Variants in KLF8 observed in about 807,000 individuals in gnomAD.
KLF8 encodes Krueppel-like factor 8.
Under a neutral mutation model 18.2 loss-of-function variants are expected in KLF8, and 10 were observed. That is an observed-to-expected ratio of 0.55 (90% CI 0.34 to 0.93). The LOEUF (loss-of-function observed/expected upper bound fraction) is 0.93. Among genes scored for constraint, KLF8 ranks in the 40% least tolerant of loss-of-function variants. KLF8 has a pLI of 0.02. For synonymous variants in KLF8, 109 were observed against 97.3 expected, an observed-to-expected ratio of 1.12 and a Z score of -0.71; for missense variants, 264 against 277.9, an observed-to-expected ratio of 0.95 and a Z score of 0.36.
chrX:56,151,587 A>G, the KLF8 span, among the ~76,000 whole-genome samples: 6 of 110,951 alleles, frequency 5.4e-5, no homozygotes, highest in South Asian at 2.3e-3. Context: ...TGGTGTCCAC[A>G]CAAATACTGG....
chrX:56,283,665 C>T (rs1433969811), intron 5 of KLF8, among the ~76,000 whole-genome samples: 1 of 112,246 alleles, frequency 8.9e-6, no homozygotes, highest in Non-Finnish European at 1.9e-5. Flanking sequence ...GCCACCGCAC[C>T]GGACCATATG....
At chrX:56,273,051 T>C (rs1206835593) in intron 5 of KLF8, among the ~76,000 whole-genome samples, 1 of 111,905 alleles carries the variant, frequency 8.9e-6, no homozygotes, top group African/African-American at 3.2e-5. Context: ...AAACCCTACT[T>C]AATTTCTTGA....
the KLF8 span, among the ~76,000 whole-genome samples, chrX:56,201,421 A>C: frequency 9.0e-6 from 1 of 111,654 alleles, no homozygotes; most frequent in South Asian, 3.7e-4. Flanking sequence ...AAACTCATAC[A>C]CACAAAAACA....
chrX:55,936,015 C>T, the KLF8 span, among the ~76,000 whole-genome samples: 3 of 112,051 alleles, frequency 2.7e-5, no homozygotes, highest in African/African-American at 9.7e-5. Context: ...TATAATTTGA[C>T]AAACTTGAGA....
chrX:56,066,714 G>T, the KLF8 span, among the ~76,000 whole-genome samples: 1 of 111,197 alleles, frequency 9.0e-6, no homozygotes, highest in East Asian at 2.8e-4. Context: ...AGGCTCCAAG[G>T]ATGTGAATAT....
chrX:56,137,496 A>T, the KLF8 span, among the ~76,000 whole-genome samples: 4 of 106,261 alleles, frequency 3.8e-5, no homozygotes, highest in African/African-American at 1.0e-4. Context: ...TCAGTAAACT[A>T]TCGCAAGAAC....
intron 5 of KLF8, among the ~76,000 whole-genome samples, chrX:56,282,462 G>A (rs1331434193): frequency 1.8e-5 from 2 of 112,157 alleles, no homozygotes; most frequent in Non-Finnish European, 3.8e-5. Context: ...TCTTTGAAAT[G>A]TTTGCCTTGA....
the KLF8 span, among the ~76,000 whole-genome samples, chrX:56,148,148 C>G: frequency 6.2e-5 from 7 of 112,110 alleles, no homozygotes; most frequent in African/African-American, 2.3e-4. Flanking sequence ...GATATGCATG[C>G]ACACCCTCAG....
chrX:56,095,924 T>G, the KLF8 span, among the ~76,000 whole-genome samples: 2 of 111,759 alleles, frequency 1.8e-5, no homozygotes, highest in African/African-American at 6.5e-5. Flanking sequence ...GAATTATTAT[T>G]CTATTCAGCA....
chrX:56,211,062 T>C, the KLF8 span, among the ~76,000 whole-genome samples: 1 of 111,578 alleles, frequency 9.0e-6, no homozygotes. Context: ...GGAGAAGTTA[T>C]GTTTTCCTAT....
chrX:55,944,467 CTT>C, the KLF8 span, among the ~76,000 whole-genome samples: 1 of 109,765 alleles, frequency 9.1e-6, no homozygotes, highest in African/African-American at 3.3e-5. Context: ...GTCCTGGACT[CTT>C]TTTGGTTGGT....
chrX:55,928,445 T>C, the KLF8 span, among the ~76,000 whole-genome samples: 1 of 110,685 alleles, frequency 9.0e-6, no homozygotes, highest in East Asian at 2.8e-4. Context: ...ACATGTGCCA[T>C]AGTGGTTTGC....
the KLF8 span, among the ~76,000 whole-genome samples, chrX:55,934,889 G>A: frequency 8.9e-6 from 1 of 111,866 alleles, no homozygotes; most frequent in Non-Finnish European, 1.9e-5. Context: ...GGAAAATAGG[G>A]TAGGAGACCA....
At chrX:56,194,383 C>T in the KLF8 span, among the ~76,000 whole-genome samples, 2 of 112,210 alleles carry the variant, frequency 1.8e-5, no homozygotes, top group Non-Finnish European at 3.8e-5. Flanking sequence ...TTCCCAAGGT[C>T]TTAGCAACCA....
chrX:55,951,478 C>CA, the KLF8 span, among the ~76,000 whole-genome samples: 2,391 of 39,757 alleles, frequency 0.06, 74 homozygotes, highest in African/African-American at 0.17. Context: ...AACTCCGTCT[C>CA]AAAAAAAAAA....
At chrX:56,010,030 A>G in the KLF8 span, among the ~76,000 whole-genome samples, 1 of 112,386 alleles carries the variant, frequency 8.9e-6, no homozygotes, top group Non-Finnish European at 1.9e-5. Context: ...AAGTTGGAAA[A>G]CATACTTTAG....
At chrX:56,182,380 T>A in the KLF8 span, among the ~76,000 whole-genome samples, 2 of 112,120 alleles carry the variant, frequency 1.8e-5, no homozygotes, top group African/African-American at 6.5e-5. Context: ...TTTTGAAGGA[T>A]TTTAGCTTCT....
At chrX:56,003,506 G>T in the KLF8 span, among the ~76,000 whole-genome samples, 1 of 110,863 alleles carries the variant, frequency 9.0e-6, no homozygotes, top group African/African-American at 3.3e-5. Context: ...TTGATCAAGA[G>T]TGCTTAGCCC....
chrX:56,145,684 C>T, the KLF8 span, among the ~76,000 whole-genome samples: 1 of 112,031 alleles, frequency 8.9e-6, no homozygotes, highest in African/African-American at 3.2e-5. Context: ...CATTGTGCTA[C>T]ATGTATACAT....
Sources: allele counts gnomAD v4.1 joint callset (sites outside exome capture counted in the v4.1 genomes callset), GRCh38; gene constraint gnomAD v4.1.1; transcripts MANE v1.5; gene names NCBI Gene and HGNC (gene_info 2026-07-23, HGNC 2026-07-21).